The following CDH12 variants were observed in gnomAD, a reference collection of about 807,000 sequenced individuals.
CDH12 encodes cadherin 12.
CDH12 carries 41 observed loss-of-function variants against 74.1 expected under a neutral mutation model. The observed-to-expected ratio is 0.55, with a 90% confidence interval of 0.43 to 0.72. The LOEUF is 0.72. Among genes scored for constraint, CDH12 ranks in the 30% least tolerant of loss-of-function variants. CDH12 has a pLI of 0.00. For missense variants in CDH12, 945 were observed against 977.2 expected, an observed-to-expected ratio of 0.97 and a Z score of 0.44; for synonymous variants, 399 against 355.0, an observed-to-expected ratio of 1.12 and a Z score of -1.39.
At chr5:21,828,711 T>G (rs1017960236) in intron 8 of CDH12, among the ~76,000 whole-genome samples, 2 of 152,192 alleles carry the variant, frequency 1.3e-5, no homozygotes, top group African/African-American at 4.8e-5. Flanking sequence ...TTTTTTAATA[T>G]TTTCTGTGTC....
chr5:22,264,786 A>T (rs1753648197), intron 3 of CDH12, among the ~76,000 whole-genome samples: 1 of 152,186 alleles, frequency 6.6e-6, no homozygotes, highest in Admixed American at 6.5e-5. Flanking sequence ...TCAGAAAGAA[A>T]TGTCTTCTTC....
In CDH12 at chr5:21,757,895, C is replaced by A. The variant is rs73054914; in HGVS notation, c.1634-2053G>T. On this transcript the variant is annotated intron_variant, in intron 13 of 14. Transcript: ENST00000382254. ...CATGAAGTCTTATCAATTCTATTTC[C>A]ATCCATTTGTCTCCATCTTCACAGT... 6.7e-3 allele frequency among the ~76,000 whole-genome samples: 1,021 copies of A among 152,184 alleles called. 14 individuals carry two copies. The highest frequency in any genetic ancestry group is 0.022 in the African/African-American group (931 of 41,530).
chr5:22,569,256 T>C (rs967904064), intron 1 of CDH12, among the ~76,000 whole-genome samples: 1 of 152,182 alleles, frequency 6.6e-6, no homozygotes, highest in Non-Finnish European at 1.5e-5. Flanking sequence ...GGATCCATCA[T>C]GGCTTGGTGC....
rs553358624 is a variant in CDH12 at position 22,210,597 on chromosome 5, C to G, written c.-187+1901G>C. ...TTTTGAATGAGAACTACAATTCCCT[C>G]AATTTTTAAACATAGATATTTCATT... On this transcript the variant is annotated intron_variant, in intron 4 of 14. Transcript: ENST00000382254. Among the ~76,000 whole-genome samples the G allele has an allele frequency of 2.6e-5, 4 of 152,006 alleles. No individual in the cohort carries two copies. The South Asian group carries it at 8.3e-4, about 32-fold the overall frequency.
intron 1 of CDH12, among the ~76,000 whole-genome samples, chr5:22,685,690 G>C (rs190947242): frequency 1.3e-5 from 2 of 152,238 alleles, no homozygotes; most frequent in African/African-American, 4.8e-5. Context: ...TTCACTTACT[G>C]TGTTTTCAAG....
intron 3 of CDH12, among the ~76,000 whole-genome samples, chr5:22,255,754 A>T (rs1374161973): frequency 6.6e-6 from 1 of 151,952 alleles, no homozygotes; most frequent in Non-Finnish European, 1.5e-5. Flanking sequence ...CTGATCTAGA[A>T]CAAGGAAAAA....
intron 8 of CDH12, among the ~76,000 whole-genome samples, chr5:21,838,280 C>A (rs928802780): frequency 5.9e-5 from 9 of 152,170 alleles, no homozygotes; most frequent in African/African-American, 2.2e-4. Context: ...CCAGTGCTGG[C>A]CAGGCATGGT....
chr5:21,821,438 A>G (rs938426038), intron 8 of CDH12, among the ~76,000 whole-genome samples: 1 of 151,972 alleles, frequency 6.6e-6, no homozygotes, highest in Admixed American at 6.6e-5. Context: ...TGACACCAAT[A>G]GCAAGTTAAA....
chr5:22,117,503 T>C (rs1263366123), intron 4 of CDH12, among the ~76,000 whole-genome samples: 3 of 51,328 alleles, frequency 5.8e-5, no homozygotes, highest in Non-Finnish European at 6.8e-5. Flanking sequence ...ATATATATAA[T>C]ATATATATAA....
intron 4 of CDH12, among the ~76,000 whole-genome samples, chr5:22,177,816 T>C (rs761903464): frequency 2.6e-5 from 4 of 152,178 alleles, no homozygotes; most frequent in Non-Finnish European, 5.9e-5. Flanking sequence ...GACATTTCTC[T>C]CTTAGCTTCA....
chr5:21,827,122 T>G (rs546625883), intron 8 of CDH12, among the ~76,000 whole-genome samples: 7 of 152,038 alleles, frequency 4.6e-5, no homozygotes, highest in Non-Finnish European at 8.8e-5. Flanking sequence ...ATGAGGTGAG[T>G]CAAGCAAGTA....
intron 1 of CDH12, among the ~76,000 whole-genome samples, chr5:22,551,340 T>C (rs1324681948): frequency 6.6e-6 from 1 of 152,150 alleles, no homozygotes; most frequent in Non-Finnish European, 1.5e-5. Context: ...AGAAAACAAA[T>C]GTCTGTTGTT....
intron 6 of CDH12, among the ~76,000 whole-genome samples, chr5:21,921,256 T>TA (rs2150072044): frequency 6.6e-6 from 1 of 152,284 alleles, no homozygotes; most frequent in Admixed American, 6.5e-5. Flanking sequence ...TTTTAAGCCT[T>TA]AAAATCATAA....
intron 5 of CDH12, among the ~76,000 whole-genome samples, chr5:22,077,477 C>T (rs961577123): frequency 1.3e-5 from 2 of 152,052 alleles, no homozygotes; most frequent in African/African-American, 4.8e-5. Flanking sequence ...ATAACCATTT[C>T]CAAACACTCT....
At chr5:22,581,475 G>C (rs962655840) in intron 1 of CDH12, among the ~76,000 whole-genome samples, 9 of 152,302 alleles carry the variant, frequency 5.9e-5, no homozygotes, top group African/African-American at 2.2e-4. Context: ...CTGAAATCTA[G>C]GCAGAGGTTC....
chr5:22,084,758 C>T (rs1021729957), intron 4 of CDH12, among the ~76,000 whole-genome samples: 2 of 152,060 alleles, frequency 1.3e-5, no homozygotes, highest in African/African-American at 4.8e-5. Flanking sequence ...TTTTAAAGTG[C>T]TATATCACAA....
At chr5:22,391,580 A>C (rs1742251085) in intron 3 of CDH12, among the ~76,000 whole-genome samples, 1 of 152,160 alleles carries the variant, frequency 6.6e-6, no homozygotes, top group Non-Finnish European at 1.5e-5. Flanking sequence ...GTATTTTATA[A>C]ATATATGCTA....
intron 3 of CDH12, among the ~76,000 whole-genome samples, chr5:22,382,577 T>A (rs537806014): frequency 6.6e-6 from 1 of 152,124 alleles, no homozygotes; most frequent in South Asian, 2.1e-4. Flanking sequence ...TTATTAATGA[T>A]GTCTCCTCTA....
At chr5:22,269,906 A>G (rs781457831) in intron 3 of CDH12, among the ~76,000 whole-genome samples, 2 of 152,198 alleles carry the variant, frequency 1.3e-5, no homozygotes, top group Non-Finnish European at 2.9e-5. Flanking sequence ...ACAAATCATC[A>G]TTATTAGAAC....
Sources: allele counts gnomAD v4.1 joint callset (sites outside exome capture counted in the v4.1 genomes callset), GRCh38; gene constraint gnomAD v4.1.1; transcripts MANE v1.5; gene names NCBI Gene and HGNC (gene_info 2026-07-23, HGNC 2026-07-21).